SESTD1: variants seen among roughly 807,000 people sequenced by gnomAD.
SESTD1 encodes the protein SEC14 and spectrin domain containing 1, also known as SEC14 domain and spectrin repeat-containing protein 1.
A neutral mutation model predicts 101.7 loss-of-function variants in SESTD1; 43 were observed. That is an observed-to-expected ratio of 0.42 (90% CI 0.33 to 0.55). The LOEUF is 0.55. Ranked by LOEUF, SESTD1 falls within the 20% of genes least tolerant of loss-of-function variation. SESTD1 has a pLI of 0.07. For synonymous variants in SESTD1, 283 were observed against 286.8 expected, an observed-to-expected ratio of 0.99 and a Z score of 0.13; for missense variants, 647 against 815.1, an observed-to-expected ratio of 0.79 and a Z score of 2.51.
chr2:179,261,933 C>T (rs956378953), intron 1 of SESTD1, among the ~76,000 whole-genome samples: 1 of 152,120 alleles, frequency 6.6e-6, no homozygotes, highest in African/African-American at 2.4e-5. Flanking sequence ...GTATCCACAA[C>T]ATTATTTATT....
chr2:179,117,603 T>C lies in SESTD1; in HGVS notation c.1453A>G (p.Met485Val). ...MQLRKQRCED[M>V]VDVRRLKMLQ... is the part of the protein sequence containing the mutation. The stretch of plus-strand genomic sequence containing the variant: ...ATCTTTAACCTTCGCACATCTACCA[T>C]GTCTTCACATCTAATGAACCCAAAC... Residue 485 changes from methionine (M) to valine (V), a missense_variant, in exon 14 of 18, where the codon ATG becomes GTG. By Grantham distance (21) the Met-to-Val change is conservative (BLOSUM62 1). Around this residue, in one of 3 missense-constraint regions of SESTD1, gnomAD observed 476 missense variants for 562.6 expected, o/e 0.85. Coordinates refer to ENST00000428443, the MANE Select transcript of SESTD1 (RefSeq NM_178123.5). 7.6e-6 allele frequency: 12 copies of C among 1,575,008 alleles called. No homozygotes were observed. The highest frequency in any genetic ancestry group is 1.0e-5 in the Non-Finnish European group (12 of 1,167,366).
chr2:179,235,204 A>T (rs957970941), intron 1 of SESTD1, among the ~76,000 whole-genome samples: 41 of 152,288 alleles, frequency 2.7e-4, no homozygotes, highest in African/African-American at 9.4e-4. Flanking sequence ...TATATTTTTT[A>T]AAAATCCTTA....
chr2:179,216,191 C>T (rs1161430099), intron 1 of SESTD1, among the ~76,000 whole-genome samples: 1 of 134,772 alleles, frequency 7.4e-6, no homozygotes, highest in Non-Finnish European at 1.6e-5. Flanking sequence ...AAGAGGAAGT[C>T]AAATTGCCCC....
Position 179,239,929 on chromosome 2 carries a change from T to G in SESTD1, c.-26+24570A>C, listed in dbSNP as rs371781989. ...TAGAAGGACAATCAAACTATTCTGGTGCAGAACATATTATTTTGACATTTT... is the reference window on the plus strand; with the variant it reads ...TAGAAGGACAATCAAACTATTCTGGGGCAGAACATATTATTTTGACATTTT... On this transcript the variant is annotated intron_variant, in intron 1 of 17. Coordinates refer to ENST00000428443, the MANE Select transcript of SESTD1 (RefSeq NM_178123.5). 1.5e-4 allele frequency among the ~76,000 whole-genome samples: 23 copies of G among 152,302 alleles called. No homozygotes were observed. The South Asian group carries it at 4.3e-3, about 29-fold the overall frequency.
intron 1 of SESTD1, among the ~76,000 whole-genome samples, chr2:179,228,033 G>A (rs2046915835): frequency 1.3e-5 from 2 of 152,152 alleles, no homozygotes; most frequent in African/African-American, 2.4e-5. Flanking sequence ...CTAGAAGTGA[G>A]ACAATCATCC....
chr2:179,159,110 T>C (rs1230584326), intron 5 of SESTD1, among the ~76,000 whole-genome samples: 1 of 152,168 alleles, frequency 6.6e-6, no homozygotes, highest in Non-Finnish European at 1.5e-5. Flanking sequence ...GAGTGTGCAA[T>C]AGTAGGAAAC....
Position 179,207,687 on chromosome 2 carries a change from C to T in SESTD1, c.-25-15821G>A, listed in dbSNP as rs1468094010. The stretch of plus-strand genomic sequence containing the variant: ...GGAAGCCCCATCCCTAGCACCACAC[C>T]AAGGGATCACCCTGTAGGACAAAAG... On this transcript the variant is annotated intron_variant, in intron 1 of 17. Coordinates refer to ENST00000428443, the MANE Select transcript of SESTD1 (RefSeq NM_178123.5). 1.5e-5 allele frequency among the ~76,000 whole-genome samples: 2 copies of T among 135,032 alleles called. 1 individual carries two copies. The highest frequency in any genetic ancestry group is 3.2e-5 in the Non-Finnish European group (2 of 62,680). The allele number at this position is 135,032 out of a possible 152,430, so 88.6% of individuals were successfully genotyped here. A position where few individuals can be genotyped will look rare whatever the true frequency, so the allele number is the denominator to read the frequency against.
At chr2:179,246,318 A>C (rs1272688700) in intron 1 of SESTD1, among the ~76,000 whole-genome samples, 6 of 151,968 alleles carry the variant, frequency 3.9e-5, no homozygotes, top group Non-Finnish European at 1.5e-5. Context: ...CCAGAGATAG[A>C]GATGTACATT....
At chr2:179,196,973 G>C (rs771687729) in intron 1 of SESTD1, among the ~76,000 whole-genome samples, 13 of 152,208 alleles carry the variant, frequency 8.5e-5, no homozygotes, top group Non-Finnish European at 1.9e-4. Flanking sequence ...ATTTTGATGA[G>C]CTGAGAGAAG....
chr2:179,140,909 T>C (rs1447122755), intron 9 of SESTD1, among the ~76,000 whole-genome samples: 1 of 152,206 alleles, frequency 6.6e-6, no homozygotes, highest in Non-Finnish European at 1.5e-5. Context: ...TCACACTTTC[T>C]CATCTCTGGC....
chr2:179,150,817 C>CA (rs1273726175), intron 6 of SESTD1, among the ~76,000 whole-genome samples: 3 of 144,126 alleles, frequency 2.1e-5, no homozygotes, highest in African/African-American at 5.4e-5. Context: ...AAGACTGTCT[C>CA]AAAAAAAAGA....
rs193090044 is a variant in SESTD1 at position 179,113,746 on chromosome 2, T to A, written c.1840-901A>T. On this transcript the variant is annotated intron_variant, in intron 16 of 17. Coordinates refer to ENST00000428443, the MANE Select transcript of SESTD1 (RefSeq NM_178123.5). ...TAGAATACAGTCAAGAGGAAAGTAA[T>A]ATCTGATAACAAAGGGCTTTACTTA... Among the ~76,000 whole-genome samples the A allele has an allele frequency of 1.3e-3, 204 of 152,124 alleles. 3 individuals carry two copies. Among genetic ancestry groups the A allele is most frequent in the African/African-American group, 4.5e-3 (187 of 41,476 alleles).
At position 179,124,523 on chromosome 2, in the gene SESTD1, T is replaced by G; in HGVS notation, c.1008A>C (p.Gln336His). The stretch of plus-strand genomic sequence containing the variant: ...CGCCAGCATTCAAGAGTGCTGCAAT[T>G]TGCTGATTAAGTTCCACATACACTG... ...WFAVYVELNQ[Q>H]IAALLNAGDE... Residue 336 changes from glutamine (Q) to histidine (H), a missense_variant, in exon 11 of 18, where the codon CAA becomes CAC. Physicochemically the swap from Gln to His is conservative, Grantham distance 24. Around this residue, in one of 3 missense-constraint regions of SESTD1, gnomAD observed 476 missense variants for 562.6 expected, o/e 0.85. Transcript: ENST00000428443. 1 of 1,614,064 alleles carries G rather than the reference T, an allele frequency of 6.2e-7. No individual in the cohort carries two copies. The highest frequency in any genetic ancestry group is 1.1e-5 in the South Asian group (1 of 91,068).
In SESTD1 at chr2:179,209,672, C is replaced by T. The variant is rs1310266819; in HGVS notation, c.-25-17806G>A. Among the ~76,000 whole-genome samples the T allele has an allele frequency of 3.0e-5, 4 of 133,184 alleles. 2 individuals carry two copies. The highest frequency in any genetic ancestry group is 6.0e-5 in the African/African-American group (2 of 33,400). The allele number at this position is 133,184 out of a possible 152,430, so 87.4% of individuals were successfully genotyped here. A position where few individuals can be genotyped will look rare whatever the true frequency, so the allele number is the denominator to read the frequency against. ...ATTTCTTTGAACTGAACAATAATAGCGACACAACCTATCAACACCTCTGGG... is the reference window on the plus strand; with the variant it reads ...ATTTCTTTGAACTGAACAATAATAGTGACACAACCTATCAACACCTCTGGG... On this transcript the variant is annotated intron_variant, in intron 1 of 17. Transcript: ENST00000428443.
At chr2:179,251,531 T>C (rs751592711) in intron 1 of SESTD1, among the ~76,000 whole-genome samples, 15 of 152,210 alleles carry the variant, frequency 9.9e-5, no homozygotes, top group South Asian at 2.1e-4. Flanking sequence ...CACCAGTCTA[T>C]GCTCAATGTT....
Position 179,104,862 on chromosome 2 carries a change from C to CT in SESTD1, c.*5036dup, listed in dbSNP as rs1164446081. The CT allele has an allele frequency of 6.6e-6, 1 of 152,124 alleles. No individual in the cohort carries two copies. The highest frequency in any genetic ancestry group is 1.5e-5 in the Non-Finnish European group (1 of 68,006). 9.4% of individuals were successfully genotyped at this position (152,124 alleles called of 1,614,324 possible). The stretch of plus-strand genomic sequence containing the variant: ...CATAGTTCTGGCTGTCTTTTGATCT[C>CT]TAAGTTCTTCATGTTCTAGTACAGG... On this transcript the variant is annotated 3_prime_UTR_variant, in exon 18 of 18. Transcript: ENST00000428443.
chr2:179,125,460 G>T (rs370223761), intron 10 of SESTD1, among the ~76,000 whole-genome samples: 1 of 152,150 alleles, frequency 6.6e-6, no homozygotes, highest in South Asian at 2.1e-4. Flanking sequence ...TGCCTAATGT[G>T]TGCCTGTACC....
intron 1 of SESTD1, among the ~76,000 whole-genome samples, chr2:179,197,686 A>G (rs1229691449): frequency 2.0e-5 from 3 of 152,232 alleles, no homozygotes; most frequent in Non-Finnish European, 4.4e-5. Flanking sequence ...TTTTCAACCC[A>G]GAATTTCATA....
intron 1 of SESTD1, among the ~76,000 whole-genome samples, chr2:179,194,881 G>C (rs1215313620): frequency 6.6e-6 from 1 of 152,142 alleles, no homozygotes; most frequent in Non-Finnish European, 1.5e-5. Context: ...CTGTTTATCA[G>C]CCAGGCATCC....
Sources: allele counts gnomAD v4.1 joint callset (sites outside exome capture counted in the v4.1 genomes callset), GRCh38; gene constraint gnomAD v4.1.1; regional missense constraint gnomAD v4.1.1; transcripts MANE v1.5; gene names NCBI Gene and HGNC (gene_info 2026-07-23, HGNC 2026-07-21).